The following SYNDIG1L variants were observed in gnomAD, a reference collection of about 807,000 sequenced individuals.
SYNDIG1L encodes synapse differentiation inducing 1 like, also known as synapse differentiation-inducing gene protein 1-like.
A neutral mutation model predicts 20.1 loss-of-function variants in SYNDIG1L; 13 were observed. The ratio of observed to expected loss-of-function variants is 0.65; its 90% CI spans 0.42 to 1.03. The LOEUF (loss-of-function observed/expected upper bound fraction) is 1.03, where lower values mean the gene tolerates loss of function less well. SYNDIG1L is among the 50% of genes least tolerant of loss of function. The pLI is 0.00. For missense variants in SYNDIG1L, 294 were observed against 305.1 expected (o/e 0.96, Z 0.27); for synonymous variants, 128 against 129.3 (o/e 0.99, Z 0.07).
At chr14:74,416,415 G>A (rs1002715706) in intron 1 of SYNDIG1L, among the ~76,000 whole-genome samples, 2 of 152,078 alleles carry the variant, frequency 1.3e-5, no homozygotes, top group Non-Finnish European at 2.9e-5. Flanking sequence ...GGGTGGATCA[G>A]TTGAGCCTAG....
the SYNDIG1L span, among the ~76,000 whole-genome samples, chr14:74,473,215 G>A: frequency 6.6e-5 from 10 of 151,948 alleles, no homozygotes; most frequent in South Asian, 6.3e-4. Flanking sequence ...GTGATACCCC[G>A]TCTCTACTGA....
chr14:74,440,427 T>C, the SYNDIG1L span, among the ~76,000 whole-genome samples: 7 of 150,156 alleles, frequency 4.7e-5, no homozygotes, highest in African/African-American at 1.7e-4. Flanking sequence ...GACAGGAGAA[T>C]GGCGTGAACC....
At chr14:74,449,638 G>GA in the SYNDIG1L span, among the ~76,000 whole-genome samples, 2 of 148,630 alleles carry the variant, frequency 1.3e-5, no homozygotes, top group African/African-American at 2.5e-5. Flanking sequence ...AAAGAAAAAA[G>GA]AAAAAGAAAA....
At chr14:74,413,359 G>A (rs1464051263) in intron 1 of SYNDIG1L, among the ~76,000 whole-genome samples, 1 of 152,186 alleles carries the variant, frequency 6.6e-6, no homozygotes, top group African/African-American at 2.4e-5. Flanking sequence ...TAAACGTCCA[G>A]CAATTGGGAA....
At chr14:74,465,935 G>C in the SYNDIG1L span, among the ~76,000 whole-genome samples, 1 of 152,204 alleles carries the variant, frequency 6.6e-6, no homozygotes, top group South Asian at 2.1e-4. Context: ...GGAGTGAGGT[G>C]TCAGACCAAA....
chr14:74,426,726 T>TC (rs2086269922), upstream of SYNDIG1L, among the ~76,000 whole-genome samples: 2 of 10,834 alleles, frequency 1.8e-4, no homozygotes, highest in Admixed American at 1.5e-3. Context: ...CCTGCCCCCC[T>TC]CCCCCTGTCC....
the SYNDIG1L span, among the ~76,000 whole-genome samples, chr14:74,449,369 A>G: frequency 7.2e-6 from 1 of 139,614 alleles, no homozygotes; most frequent in Non-Finnish European, 1.5e-5. Context: ...TGGGAGGCTG[A>G]GGTGGGAGGA....
At chr14:74,475,416 T>C in the SYNDIG1L span, among the ~76,000 whole-genome samples, 9 of 111,760 alleles carry the variant, frequency 8.1e-5, no homozygotes, top group East Asian at 2.4e-4. Context: ...CTGGAAAAAG[T>C]TGGAGGTGAG....
At chr14:74,478,658 G>A in the SYNDIG1L span, among the ~76,000 whole-genome samples, 7 of 152,190 alleles carry the variant, frequency 4.6e-5, no homozygotes, top group African/African-American at 1.7e-4. Context: ...TGAGAATTGA[G>A]CTTTTCCAGG....
the SYNDIG1L span, among the ~76,000 whole-genome samples, chr14:74,457,345 G>A: frequency 1.3e-5 from 2 of 151,842 alleles, no homozygotes; most frequent in Admixed American, 6.6e-5. Flanking sequence ...CCTAGCAGGC[G>A]CCCTCTCCCA....
At chr14:74,411,740 G>A (rs990777689) in intron 1 of SYNDIG1L, among the ~76,000 whole-genome samples, 1 of 152,172 alleles carries the variant, frequency 6.6e-6, no homozygotes, top group African/African-American at 2.4e-5. Flanking sequence ...AAGCGGGGTG[G>A]GGGCTGCTGG....
chr14:74,432,147 G>GTA, the SYNDIG1L span, among the ~76,000 whole-genome samples: 1 of 124,004 alleles, frequency 8.1e-6, no homozygotes, highest in African/African-American at 3.3e-5. Context: ...GAAGGTGTGT[G>GTA]TGTGTGTGTG....
At chr14:74,477,088 A>T in the SYNDIG1L span, among the ~76,000 whole-genome samples, 10,658 of 72,338 alleles carry the variant, frequency 0.15, 1,345 homozygotes, top group African/African-American at 0.24. Flanking sequence ...ACACACACAC[A>T]CAACCCTGTC....
At chr14:74,422,653 T>TCACACACACACA (rs34711949) in intron 1 of SYNDIG1L, among the ~76,000 whole-genome samples, 6,455 of 140,320 alleles carry the variant, frequency 0.046, 205 homozygotes, top group African/African-American at 0.083. Flanking sequence ...ATCTCTCTCT[T>TCACACACACACA]CACACACACA....
chr14:74,449,442 A>AAAAAAAAAG, the SYNDIG1L span, among the ~76,000 whole-genome samples: 54 of 130,320 alleles, frequency 4.1e-4, 4 homozygotes, highest in South Asian at 5.2e-4. Context: ...TCTTTACAAA[A>AAAAAAAAAG]AAAAAAAAAA....
At chr14:74,425,059 G>A (rs556541872) in intron 1 of SYNDIG1L, among the ~76,000 whole-genome samples, 1 of 152,174 alleles carries the variant, frequency 6.6e-6, no homozygotes, top group Non-Finnish European at 1.5e-5. Flanking sequence ...CAGCCACAAG[G>A]GTAGGCCAAT....
the SYNDIG1L span, among the ~76,000 whole-genome samples, chr14:74,477,975 G>A: frequency 3.9e-5 from 6 of 152,194 alleles, no homozygotes; most frequent in Non-Finnish European, 7.3e-5. Flanking sequence ...CCTAGCTCAC[G>A]GCTGCAGGCT....
At chr14:74,455,128 C>T in the SYNDIG1L span, among the ~76,000 whole-genome samples, 2 of 152,238 alleles carry the variant, frequency 1.3e-5, no homozygotes, top group Non-Finnish European at 2.9e-5. Flanking sequence ...AGTTTCCAGC[C>T]TGCAGGCCTG....
At chr14:74,477,504 T>G in the SYNDIG1L span, among the ~76,000 whole-genome samples, 3 of 151,938 alleles carry the variant, frequency 2.0e-5, no homozygotes, top group Non-Finnish European at 4.4e-5. Flanking sequence ...CTGTTTCTTT[T>G]CTGAAAGACT....
Sources: allele counts gnomAD v4.1 joint callset (sites outside exome capture counted in the v4.1 genomes callset), GRCh38; gene constraint gnomAD v4.1.1; transcripts MANE v1.5; gene names NCBI Gene and HGNC (gene_info 2026-07-23, HGNC 2026-07-21).